The following EPB41L1 variants were observed in gnomAD, a reference collection of about 807,000 sequenced individuals.
EPB41L1 encodes erythrocyte membrane protein band 4.1 like 1, also known as band 4.1-like protein 1.
A neutral mutation model predicts 97.8 loss-of-function variants in EPB41L1; 29 were observed. That is an observed-to-expected ratio of 0.30 (90% confidence interval 0.22 to 0.40). The LOEUF is 0.40. Among genes scored for constraint, EPB41L1 ranks in the 10% least tolerant of loss-of-function variants. EPB41L1 has a pLI of 1.00. For missense variants in EPB41L1, 812 were observed against 1,162.3 expected, an observed-to-expected ratio of 0.70 and a Z score of 4.38; for synonymous variants, 383 against 459.2, an observed-to-expected ratio of 0.83 and a Z score of 2.12.
intron 2 of EPB41L1, among the ~76,000 whole-genome samples, chr20:36,144,769 A>T (rs1288732632): frequency 2.0e-5 from 3 of 152,224 alleles, no homozygotes; most frequent in Non-Finnish European, 4.4e-5. Flanking sequence ...AGGAGTGAAT[A>T]ATAGGACTGA....
At chr20:36,204,722 A>G (rs547456579) in intron 14 of EPB41L1, among the ~76,000 whole-genome samples, 1 of 150,538 alleles carries the variant, frequency 6.6e-6, no homozygotes, top group South Asian at 2.1e-4. Context: ...GCTCACTGCA[A>G]CCTCCGCCTC....
At chr20:36,215,705 A>G (rs1031270783) in intron 17 of EPB41L1, among the ~76,000 whole-genome samples, 2 of 152,114 alleles carry the variant, frequency 1.3e-5, no homozygotes, top group African/African-American at 4.8e-5. Context: ...TCATTTACTC[A>G]TCCATCCATC....
chr20:36,127,096 C>G (rs1271952714), intron 2 of EPB41L1, among the ~76,000 whole-genome samples: 3 of 152,160 alleles, frequency 2.0e-5, no homozygotes, highest in Non-Finnish European at 2.9e-5. Context: ...TATTATTGTC[C>G]TAAGCCTCTG....
intron 1 of EPB41L1, among the ~76,000 whole-genome samples, chr20:36,096,029 GA>G (rs59767618): frequency 2.7e-3 from 373 of 137,336 alleles, no homozygotes; most frequent in Admixed American, 3.6e-3. Flanking sequence ...CCATCTCAGG[GA>G]AAAAAAAAAA....
At chr20:36,157,807 G>C (rs1416639740) in intron 1 of EPB41L1, among the ~76,000 whole-genome samples, 1 of 152,204 alleles carries the variant, frequency 6.6e-6, no homozygotes, top group East Asian at 1.9e-4. Context: ...GGGAAGATGG[G>C]CTGGCTCTGG....
At chr20:36,138,699 G>A (rs2059514346) in intron 2 of EPB41L1, among the ~76,000 whole-genome samples, 1 of 152,238 alleles carries the variant, frequency 6.6e-6, no homozygotes, top group Non-Finnish European at 1.5e-5. Flanking sequence ...GTTTGTAGCT[G>A]AGAAAATAAA....
At chr20:36,149,024 G>A (rs2059942886) in intron 2 of EPB41L1, among the ~76,000 whole-genome samples, 1 of 152,168 alleles carries the variant, frequency 6.6e-6, no homozygotes. Flanking sequence ...GGGTACTGAG[G>A]GGCACCCTAG....
chr20:36,174,572 C>CTTT (rs761888628), intron 2 of EPB41L1, among the ~76,000 whole-genome samples: 1 of 141,268 alleles, frequency 7.1e-6, no homozygotes, highest in Non-Finnish European at 1.6e-5. Context: ...CATGCCTGGC[C>CTTT]TTTTTTTTTT....
At chr20:36,120,109 G>A (rs566390985) in intron 2 of EPB41L1, among the ~76,000 whole-genome samples, 9 of 152,268 alleles carry the variant, frequency 5.9e-5, no homozygotes, top group African/African-American at 1.7e-4. Flanking sequence ...AGCACTAAGC[G>A]CTAATAACCA....
intron 1 of EPB41L1, among the ~76,000 whole-genome samples, chr20:36,095,202 C>T (rs2057789926): frequency 6.6e-6 from 1 of 152,152 alleles, no homozygotes; most frequent in Non-Finnish European, 1.5e-5. Flanking sequence ...GAACTCCTGA[C>T]CTCAGGTGAT....
At chr20:36,223,248 G>A (rs1011250115) in intron 21 of EPB41L1, among the ~76,000 whole-genome samples, 1 of 151,612 alleles carries the variant, frequency 6.6e-6, no homozygotes, top group African/African-American at 2.4e-5. Context: ...TGGCCAGGCT[G>A]GTATCAAACT....
intron 7 of EPB41L1, among the ~76,000 whole-genome samples, chr20:36,186,150 G>A (rs2061675417): frequency 2.0e-5 from 3 of 152,142 alleles, no homozygotes; most frequent in Admixed American, 2.0e-4. Context: ...CTCAGTCCTT[G>A]TAACAACCCA....
chr20:36,153,213 C>T, upstream of EPB41L1: 4 of 398,624 alleles, frequency 1.0e-5, no homozygotes, highest in South Asian at 5.5e-5. Context: ...TTTGGAGGCC[C>T]TAGAGTGCCT....
intron 1 of EPB41L1, among the ~76,000 whole-genome samples, chr20:36,110,496 C>T (rs2058359793): frequency 6.6e-6 from 1 of 152,062 alleles, no homozygotes; most frequent in African/African-American, 2.4e-5. Context: ...GTTTCATCAG[C>T]TCCTCCTGGT....
At chr20:36,158,816 A>G (rs764527739) in intron 1 of EPB41L1, among the ~76,000 whole-genome samples, 6 of 152,232 alleles carry the variant, frequency 3.9e-5, no homozygotes, top group African/African-American at 1.4e-4. Context: ...GCAGGAACTC[A>G]GTAAACATTA....
At chr20:36,107,408 A>G (rs959349988) in intron 1 of EPB41L1, among the ~76,000 whole-genome samples, 3 of 150,884 alleles carry the variant, frequency 2.0e-5, no homozygotes, top group Non-Finnish European at 3.0e-5. Flanking sequence ...TTTAGTAGAG[A>G]TGGGGTTTCA....
In EPB41L1 at chr20:36,195,012, C is replaced by T. The variant is rs2062125483; in HGVS notation, c.1450-317C>T. Among the ~76,000 whole-genome samples the T allele has an allele frequency of 6.6e-6, 1 of 152,166 alleles. No homozygotes were observed. Among genetic ancestry groups the T allele is most frequent in the Non-Finnish European group, 1.5e-5 (1 of 68,026 alleles). On this transcript the variant is annotated intron_variant, in intron 12 of 21. Coordinates refer to ENST00000338074, the MANE Select transcript of EPB41L1 (RefSeq NM_012156.2). The surrounding 1 kb of genome is among the most constrained non-coding windows in gnomAD (Gnocchi z 4.6). ...GGTTTCTTTCCGTCTACCTTGTGAG[C>T]ACAGGGCCTTGAACATGCTCCCACT...
chr20:36,195,531 G>A lies in EPB41L1; in HGVS notation c.1485+167G>A, dbSNP rs997035783. On this transcript the variant is annotated intron_variant, in intron 13 of 21. Transcript: ENST00000338074. This position sits in a 1 kb window ranked among gnomAD's most constrained non-coding sequence, Gnocchi z 4.6. ...TGCAGCCGTCCTTGCTCCCCACTCC[G>A]CCACCCGCTAAGCTTCTCTCTCCAG... 3.9e-4 allele frequency among the ~76,000 whole-genome samples: 59 copies of A among 151,658 alleles called. No individual in the cohort carries two copies. The highest frequency in any genetic ancestry group is 1.3e-3 in the African/African-American group (54 of 41,220).
rs748702738 is a variant in EPB41L1, at chr20:36,208,329, A to T, written c.1669-1159A>T. ...AAATCCGGAGATGCGGTCAGGGAAG[A>T]GAAGCGCTCCACCAACTTAGCAGCC... On this transcript the variant is annotated intron_variant, in intron 14 of 21. Coordinates refer to ENST00000338074, the MANE Select transcript of EPB41L1 (RefSeq NM_012156.2). 6.6e-6 allele frequency: 3 copies of T among 454,690 alleles called. No homozygotes were observed. The East Asian group carries it at 2.1e-4, about 32-fold the overall frequency. 28.2% of individuals were successfully genotyped at this position (454,690 alleles called of 1,614,324 possible).
Sources: gnomAD v4.1 joint callset for allele counts (sites outside exome capture counted in the v4.1 genomes callset) on GRCh38, gnomAD v4.1.1 for gene constraint, Gnocchi (gnomAD v3.1) non-coding constraint, MANE v1.5 for transcripts, NCBI Gene and HGNC (gene_info 2026-07-23, HGNC 2026-07-21) for gene names.